Variants in SFMBT1 observed in about 807,000 individuals in gnomAD.
SFMBT1 encodes Scm like with four mbt domains 1, also known as scm-like with four MBT domains protein 1.
A neutral mutation model predicts 108.7 loss-of-function variants in SFMBT1; 32 were observed. That is an observed-to-expected ratio of 0.29 (90% confidence interval 0.22 to 0.40). SFMBT1 has a LOEUF of 0.40. Among genes scored for constraint, SFMBT1 ranks in the 10% least tolerant of loss-of-function variants. The pLI is 1.00. For missense variants in SFMBT1, 816 were observed against 1,059.6 expected, an observed-to-expected ratio of 0.77 and a Z score of 3.19; for synonymous variants, 348 against 369.5, an observed-to-expected ratio of 0.94 and a Z score of 0.67.
intron 3 of SFMBT1, among the ~76,000 whole-genome samples, chr3:52,949,265 T>C (rs1008838051): frequency 2.6e-5 from 4 of 152,188 alleles, no homozygotes; most frequent in African/African-American, 4.8e-5. Flanking sequence ...CCATGTGAGC[T>C]TGAGAAGAAT....
At chr3:53,005,656 C>A (rs1698713894) in intron 1 of SFMBT1, among the ~76,000 whole-genome samples, 1 of 152,150 alleles carries the variant, frequency 6.6e-6, no homozygotes, top group African/African-American at 2.4e-5. Context: ...GAATTCCAGG[C>A]AGGAGGATAA....
intron 1 of SFMBT1, among the ~76,000 whole-genome samples, chr3:53,025,054 A>G (rs967695751): frequency 2.6e-5 from 4 of 152,198 alleles, no homozygotes; most frequent in Admixed American, 1.3e-4. Flanking sequence ...ATATTTTTAT[A>G]TAAGTATTAT....
intron 12 of SFMBT1, 108 bp from the exon 13 acceptor site, chr3:52,918,634 AGTGTGTGTGTATATAT>A (rs879459270): frequency 1.1e-5 from 6 of 567,744 alleles, no homozygotes; most frequent in African/African-American, 2.0e-5. Context: ...GTTCTGTGTG[AGTGTGTGTGTATATAT>A]GTGTGTGTGT....
intron 1 of SFMBT1, among the ~76,000 whole-genome samples, chr3:52,981,302 A>C (rs1213173545): frequency 6.6e-6 from 1 of 152,194 alleles, no homozygotes; most frequent in Non-Finnish European, 1.5e-5. Context: ...TAGGCAGCAA[A>C]TGAGTTCCCC....
intron 1 of SFMBT1, among the ~76,000 whole-genome samples, chr3:52,985,621 G>A (rs761372233): frequency 3.3e-5 from 5 of 152,094 alleles, no homozygotes; most frequent in Admixed American, 2.0e-4. Flanking sequence ...TTAATAATGA[G>A]GATATGTTCT....
chr3:53,020,929 GTCCCTGTAA>G lies in SFMBT1; in HGVS notation c.-131+24878_-131+24886del, dbSNP rs1222869364. Among the ~76,000 whole-genome samples, 3 of 152,046 alleles carry G rather than the reference GTCCCTGTAA, an allele frequency of 2.0e-5. No individual in the cohort carries two copies. The East Asian group carries it at 5.8e-4, about 29-fold the overall frequency. On this transcript the variant is annotated intron_variant, in intron 1 of 20. Coordinates refer to ENST00000394752, the MANE Select transcript of SFMBT1 (RefSeq NM_016329.4). ...AAAAATTAGCCAGGCATGGTGGTGC[GTCCCTGTAA>G]TCCTAGCTACATGAGAGGCCGAGGC...
At position 52,907,172 on chromosome 3, in the gene SFMBT1, T is replaced by G. The variant is rs1324525909; in HGVS notation, c.2228A>C (p.Gln743Pro). The part of the protein sequence containing the change: ...EKKSCSSSPT[Q>P]SEISTSLPPD... ...AGGCAGCGATGTGGATATCTCACTT[T>G]GGGTGGGAGAAGAGGAGCATGACTT... The change falls in exon 19 of 21, where the codon CAA becomes CCA. Residue 743 changes from glutamine (Q) to proline (P), a missense_variant. This residue lies in a region of SFMBT1 where 177 missense variants were observed against 182.0 expected (regional missense o/e 0.97). Coordinates refer to ENST00000394752, the MANE Select transcript of SFMBT1 (RefSeq NM_016329.4). 5.0e-6 allele frequency: 8 copies of G among 1,614,100 alleles called. No homozygotes were observed. Among genetic ancestry groups the G allele is most frequent in the Non-Finnish European group, 5.9e-6 (7 of 1,180,036 alleles).
At chr3:53,020,941 C>G (rs1298909377) in intron 1 of SFMBT1, among the ~76,000 whole-genome samples, 2 of 152,112 alleles carry the variant, frequency 1.3e-5, no homozygotes, top group Non-Finnish European at 2.9e-5. Flanking sequence ...CCCTGTAATC[C>G]TAGCTACATG....
chr3:52,994,613 C>T (rs1390135678), intron 1 of SFMBT1, among the ~76,000 whole-genome samples: 1 of 150,370 alleles, frequency 6.7e-6, no homozygotes. Flanking sequence ...AATTCTCTGG[C>T]CTCAGCCTCC....
chr3:52,920,554 G>A lies in SFMBT1; in HGVS notation c.1355C>T (p.Thr452Ile). ...ACAGATACCTCGTGCTCGGCGAGGA[G>A]TGCTGAGGGGGTGGCCGTTGGTTTC... The part of the protein sequence containing the change: ...WCETNGHPLS[T>I]PRRARVYKQR... Residue 452 changes from threonine to isoleucine, a missense_variant, in exon 12 of 21, where the codon ACT (threonine) becomes ATT (isoleucine). Thr to Ile is a moderately conservative substitution (Grantham distance 89, BLOSUM62 -1). Coordinates refer to ENST00000394752, the MANE Select transcript of SFMBT1 (RefSeq NM_016329.4). The A allele has an allele frequency of 6.2e-7, 1 of 1,613,634 alleles. No homozygotes were observed. The highest frequency in any genetic ancestry group is 8.5e-7 in the Non-Finnish European group (1 of 1,179,664).
intron 1 of SFMBT1, among the ~76,000 whole-genome samples, chr3:53,030,515 A>T (rs946076440): frequency 9.2e-5 from 14 of 152,130 alleles, no homozygotes; most frequent in Admixed American, 6.6e-4. Flanking sequence ...AACAGAAGAA[A>T]AAGTAATGCC....
At chr3:52,963,529 G>T (rs990664043) in intron 2 of SFMBT1, among the ~76,000 whole-genome samples, 1 of 152,030 alleles carries the variant, frequency 6.6e-6, no homozygotes, top group Non-Finnish European at 1.5e-5. Flanking sequence ...GCTCTCTGAA[G>T]CCTCAACCAC....
In SFMBT1 at chr3:52,930,223, G is replaced by A. The variant is rs1702814326; in HGVS notation, c.897+106C>T. 6 of 719,606 alleles carry A rather than the reference G, an allele frequency of 8.3e-6. No individual in the cohort carries two copies. In the Middle Eastern group the frequency reaches 9.6e-4, roughly 115 times the overall value. 44.6% of individuals were successfully genotyped at this position (719,606 alleles called of 1,614,324 possible). On this transcript the variant is annotated intron_variant, in intron 8 of 20. Transcript: ENST00000394752. ...GTAATTCTAGCTGCACGGCCTAGAA[G>A]GAAAAATGGGTTGGATCAATAGAGC...
intron 1 of SFMBT1, among the ~76,000 whole-genome samples, chr3:53,028,139 G>A (rs1699559129): frequency 6.6e-6 from 1 of 152,156 alleles, no homozygotes; most frequent in South Asian, 2.1e-4. Flanking sequence ...CATCCAGGGT[G>A]GAGTGCAGTG....
Position 52,969,260 on chromosome 3 carries a change from T to C in SFMBT1, c.-130-2A>G. ...TATCCACGGGTCCAAATGAAAGTGC[T>C]GAAAAATGAAAAAGAACACATTAAA... is the stretch of plus-strand genomic sequence containing the variant. On this transcript the variant is annotated splice_acceptor_variant, in intron 1 of 20. Coordinates refer to ENST00000394752, the MANE Select transcript of SFMBT1 (RefSeq NM_016329.4). LOFTEE classifies it low-confidence loss of function (5UTR_SPLICE). The C allele has an allele frequency of 6.6e-7, 1 of 1,506,406 alleles. No individual in the cohort carries two copies. Among genetic ancestry groups the C allele is most frequent in the Non-Finnish European group, 8.8e-7 (1 of 1,133,746 alleles). 93.3% of individuals were successfully genotyped at this position (1,506,406 alleles called of 1,614,324 possible). A position where few individuals can be genotyped will look rare whatever the true frequency, so the allele number is the denominator to read the frequency against.
At chr3:52,944,688 T>A (rs1703300327) in intron 3 of SFMBT1, among the ~76,000 whole-genome samples, 1 of 152,016 alleles carries the variant, frequency 6.6e-6, no homozygotes, top group Admixed American at 6.6e-5. Context: ...TCCAGCTAAT[T>A]TTTTGTATTT....
chr3:52,997,828 C>CTT (rs1698391749), intron 1 of SFMBT1, among the ~76,000 whole-genome samples: 1 of 150,306 alleles, frequency 6.7e-6, no homozygotes, highest in African/African-American at 2.4e-5. Flanking sequence ...TATACAATTA[C>CTT]TAAAATTCAT....
At chr3:52,925,909 C>A (rs1702643512) in intron 10 of SFMBT1, 122 bp downstream of exon 10, 6 of 815,176 alleles carry the variant, frequency 7.4e-6, no homozygotes, top group Non-Finnish European at 1.1e-5. Context: ...ATTACAATCA[C>A]CACTGTGCTC....
At position 52,907,613 on chromosome 3, in the gene SFMBT1, A is replaced by G. The variant is rs1249104211; in HGVS notation, c.2027T>C (p.Val676Ala). The stretch of plus-strand genomic sequence containing the variant: ...TGCAGAGGAGCGTTTCTTCTTATGA[A>G]CAAAAACATTTTTCCGCCTCTTTCT... Reference protein sequence around the residue: ...KRRKRRKNVFVHKKKRSSASV... With the variant: ...KRRKRRKNVFAHKKKRSSASV... The change falls in exon 18 of 21, where the codon GTT becomes GCT. Residue 676 changes from valine (V) to alanine (A), a missense_variant. Physicochemically the swap from Val to Ala is moderately conservative, Grantham distance 64. Transcript: ENST00000394752. 2 of 1,614,172 alleles carry G rather than the reference A, an allele frequency of 1.2e-6. No individual in the cohort carries two copies. The highest frequency in any genetic ancestry group is 1.7e-6 in the Non-Finnish European group (2 of 1,180,034).
Sources: gnomAD v4.1 joint callset for allele counts (sites outside exome capture counted in the v4.1 genomes callset) on GRCh38, gnomAD v4.1.1 for gene constraint, gnomAD v4.1.1 regional missense constraint, MANE v1.5 for transcripts, NCBI Gene and HGNC (gene_info 2026-07-23, HGNC 2026-07-21) for gene names.